AFF1: variants seen among roughly 807,000 people sequenced by gnomAD.
AFF1 encodes AF4/FMR2 family member 1.
Under a neutral mutation model 121.7 loss-of-function variants are expected in AFF1, and 48 were observed. The observed-to-expected ratio is 0.39, with a 90% CI of 0.31 to 0.50. AFF1 has a LOEUF of 0.50. Among genes scored for constraint, AFF1 ranks in the 20% least tolerant of loss-of-function variants. The probability of loss-of-function intolerance (pLI) is 0.76; values close to 1 mark genes in which losing one functional copy is unlikely to be tolerated. For missense variants in AFF1, 1,523 were observed against 1,511.7 expected (o/e 1.01, Z -0.12); for synonymous variants, 613 against 563.0 (o/e 1.09, Z -1.26).
intron 4 of AFF1, among the ~76,000 whole-genome samples, chr4:87,076,267 A>C (rs1252533618): frequency 2.6e-5 from 4 of 151,986 alleles, no homozygotes. Flanking sequence ...TTTTTTATCC[A>C]CCTTATTTCT....
chr4:87,112,393 G>C (rs964727607), intron 11 of AFF1, among the ~76,000 whole-genome samples: 1 of 152,182 alleles, frequency 6.6e-6, no homozygotes, highest in Non-Finnish European at 1.5e-5. Context: ...GAAGGAAGCC[G>C]TAAGGAAGAT....
At chr4:86,982,491 A>T (rs1410055840) in intron 2 of AFF1, among the ~76,000 whole-genome samples, 1 of 132,440 alleles carries the variant, frequency 7.6e-6, no homozygotes, top group Non-Finnish European at 1.5e-5. Context: ...GAGTGACAGT[A>T]TTCAGAGGTG....
At chr4:87,021,837 T>C (rs1413366958) in intron 2 of AFF1, among the ~76,000 whole-genome samples, 1 of 152,214 alleles carries the variant, frequency 6.6e-6, no homozygotes, top group Non-Finnish European at 1.5e-5. Flanking sequence ...GGGATTACTT[T>C]AGACTGTTAT....
At chr4:86,973,814 T>C (rs559975010) in intron 2 of AFF1, 1 of 152,242 alleles carries the variant, frequency 6.6e-6, no homozygotes, top group Admixed American at 6.5e-5. Context: ...CCTTTCCCTT[T>C]TCCTTCATGC....
At chr4:86,986,847 T>G (rs1032804367) in intron 2 of AFF1, among the ~76,000 whole-genome samples, 31 of 152,120 alleles carry the variant, frequency 2.0e-4, no homozygotes, top group Admixed American at 9.8e-4. Context: ...GTATTGTGGT[T>G]ATTATTATTA....
chr4:87,121,104 G>C (rs1727642960), intron 12 of AFF1, among the ~76,000 whole-genome samples: 1 of 152,164 alleles, frequency 6.6e-6, no homozygotes, highest in East Asian at 1.9e-4. Context: ...TCAGCCGGCA[G>C]CCTCCCTTTG....
At chr4:87,007,308 C>G (rs1385175960) in intron 2 of AFF1, 2 of 1,586,826 alleles carry the variant, frequency 1.3e-6, no homozygotes, top group East Asian at 2.3e-5. Context: ...GGGACGCGTC[C>G]CCGCCCGGCT....
intron 2 of AFF1, among the ~76,000 whole-genome samples, chr4:86,980,946 C>T (rs1341616624): frequency 2.3e-5 from 2 of 86,218 alleles, no homozygotes; most frequent in African/African-American, 4.5e-5. Context: ...AGGCTTGAGG[C>T]ACCCCCCCCC....
At chr4:87,105,875 A>G in intron 10 of AFF1, 30 bp downstream of exon 10, 1 of 1,612,012 alleles carries the variant, frequency 6.2e-7, no homozygotes, top group Non-Finnish European at 8.5e-7. Context: ...CCATCTGTAC[A>G]GAATGTTTGC....
At chr4:87,108,410 C>A in intron 11 of AFF1, 95 bp downstream of exon 11, 3 of 1,341,468 alleles carry the variant, frequency 2.2e-6, no homozygotes, top group Non-Finnish European at 3.0e-6. Context: ...GACCATGAGA[C>A]TGAGTCATTC....
chr4:86,962,038 T>G (rs2149468615), intron 2 of AFF1, among the ~76,000 whole-genome samples: 1 of 152,320 alleles, frequency 6.6e-6, no homozygotes, highest in Middle Eastern at 3.4e-3. Flanking sequence ...AAATATATGT[T>G]TTTTAAAATG....
intron 2 of AFF1, among the ~76,000 whole-genome samples, chr4:87,001,774 C>G (rs1327196618): frequency 2.0e-5 from 3 of 152,132 alleles, no homozygotes; most frequent in Admixed American, 6.5e-5. Flanking sequence ...ATTAGCAGTC[C>G]TCCTTGCTGT....
chr4:87,019,308 G>C (rs1727648104), intron 2 of AFF1, among the ~76,000 whole-genome samples: 1 of 152,096 alleles, frequency 6.6e-6, no homozygotes, highest in Non-Finnish European at 1.5e-5. Flanking sequence ...TATAATGGTG[G>C]GGCACTTTAG....
At chr4:86,954,910 T>A (rs987835251) in intron 2 of AFF1, among the ~76,000 whole-genome samples, 2 of 152,204 alleles carry the variant, frequency 1.3e-5, no homozygotes, top group Non-Finnish European at 2.9e-5. Context: ...TTTTATTTCT[T>A]CTGTTCAATA....
intron 2 of AFF1, among the ~76,000 whole-genome samples, chr4:87,002,073 G>A (rs2149521611): frequency 6.6e-6 from 1 of 151,966 alleles, no homozygotes; most frequent in African/African-American, 2.4e-5. Flanking sequence ...TCGGAATAAG[G>A]CAACCTGTTT....
chr4:86,975,897 G>A (rs917830133), intron 2 of AFF1, among the ~76,000 whole-genome samples: 21 of 152,182 alleles, frequency 1.4e-4, no homozygotes, highest in African/African-American at 5.1e-4. Flanking sequence ...AGGGCATGAA[G>A]ATCAATTTTA....
rs1352033253 is a variant in AFF1 at position 87,105,641 on chromosome 4, G to A, written c.1297G>A (p.Asp433Asn). Residue 433 changes from aspartate (D) to asparagine (N), a missense_variant, in exon 9 of 21, where the codon GAC (aspartate) becomes AAC (asparagine). Coordinates refer to ENST00000395146, the MANE Select transcript of AFF1 (RefSeq NM_001166693.3). ...TGCCCATTCCAGCATGCTCGAAGACGACCTTCAGCTCAGTGACAGTGAGGA... is the reference window on the plus strand; with the variant it reads ...TGCCCATTCCAGCATGCTCGAAGACAACCTTCAGCTCAGTGACAGTGAGGA... ...QQGTSSMLED[D>N]LQLSDSEDSD... is the part of the protein sequence containing the mutation. 5 of 1,614,098 alleles carry A rather than the reference G, an allele frequency of 3.1e-6. No individual in the cohort carries two copies. Among genetic ancestry groups the A allele is most frequent in the Non-Finnish European group, 4.2e-6 (5 of 1,180,008 alleles).
chr4:87,105,500 A>C, intron 8 of AFF1, 128 bp from the exon 9 acceptor site: 1 of 962,610 alleles, frequency 1.0e-6, no homozygotes, highest in East Asian at 2.5e-5. Flanking sequence ...CACAGCCTTT[A>C]ATAAATAAAG....
chr4:86,965,492 A>G (rs1722472181), intron 2 of AFF1, among the ~76,000 whole-genome samples: 1 of 152,236 alleles, frequency 6.6e-6, no homozygotes, highest in Non-Finnish European at 1.5e-5. Context: ...TATAGCCTGT[A>G]GAGGGAATTC....
Sources: allele counts gnomAD v4.1 joint callset (sites outside exome capture counted in the v4.1 genomes callset), GRCh38; gene constraint gnomAD v4.1.1; transcripts MANE v1.5; gene names NCBI Gene and HGNC (gene_info 2026-07-23, HGNC 2026-07-21).